PPP2R5A: variants seen among roughly 807,000 people sequenced by gnomAD.
PPP2R5A encodes the protein serine/threonine-protein phosphatase 2A 56 kDa regulatory subunit alpha isoform.
Under a neutral mutation model 64.2 loss-of-function variants are expected in PPP2R5A, and 25 were observed. The ratio of observed to expected loss-of-function variants is 0.39; its 90% CI spans 0.28 to 0.54. The LOEUF (loss-of-function observed/expected upper bound fraction) is 0.54. PPP2R5A is among the 20% of genes least tolerant of loss of function. The pLI, the probability that PPP2R5A is intolerant of heterozygous loss-of-function variation, is 0.67. For missense variants in PPP2R5A, 425 were observed against 576.3 expected (o/e 0.74, Z 2.69); for synonymous variants, 198 against 201.2 (o/e 0.98, Z 0.13).
At chr1:212,313,358 T>TG (rs1659075960) in intron 1 of PPP2R5A, among the ~76,000 whole-genome samples, 2 of 152,232 alleles carry the variant, frequency 1.3e-5, no homozygotes, top group African/African-American at 4.8e-5. Flanking sequence ...AAGTGATGTA[T>TG]GACATTTCAT....
chr1:212,345,651 C>T, intron 4 of PPP2R5A, 152 bp from the exon 5 acceptor site: 3 of 574,922 alleles, frequency 5.2e-6, no homozygotes, highest in South Asian at 6.5e-5. Flanking sequence ...CTTTTCCTCA[C>T]CTTCATTACT....
intron 1 of PPP2R5A, among the ~76,000 whole-genome samples, chr1:212,299,814 CT>C (rs59480144): frequency 0.03 from 4,268 of 141,672 alleles, 43 homozygotes; most frequent in African/African-American, 0.043. Flanking sequence ...CTTCATAAGA[CT>C]TTTTTTTTTT....
chr1:212,343,134 G>GT (rs1161864697), intron 4 of PPP2R5A, among the ~76,000 whole-genome samples: 3 of 151,718 alleles, frequency 2.0e-5, no homozygotes, highest in Non-Finnish European at 2.9e-5. Context: ...TCTATTTCTA[G>GT]TAGAGACGGG....
At chr1:212,332,520 T>G (rs1439686961) in intron 2 of PPP2R5A, among the ~76,000 whole-genome samples, 1 of 152,208 alleles carries the variant, frequency 6.6e-6, no homozygotes, top group East Asian at 1.9e-4. Context: ...TTATAAATCC[T>G]TTATTTCACT....
chr1:212,353,759 T>A (rs568003600), intron 8 of PPP2R5A, among the ~76,000 whole-genome samples: 1 of 152,210 alleles, frequency 6.6e-6, no homozygotes, highest in Non-Finnish European at 1.5e-5. Context: ...TTCCAAAAAA[T>A]AATTCAATTG....
intron 5 of PPP2R5A, 59 bp downstream of exon 5, chr1:212,345,992 A>C: frequency 6.8e-7 from 1 of 1,475,358 alleles, no homozygotes; most frequent in Non-Finnish European, 9.2e-7. Flanking sequence ...TCTTGTATTC[A>C]AGTTCTTTTA....
At chr1:212,313,645 A>C (rs1052139263) in intron 1 of PPP2R5A, 1 of 151,706 alleles carries the variant, frequency 6.6e-6, no homozygotes, top group African/African-American at 2.4e-5. Context: ...AGCTGGAATA[A>C]TTTATTGAAC....
chr1:212,336,274 C>G (rs1294803028), intron 3 of PPP2R5A, among the ~76,000 whole-genome samples: 1 of 151,988 alleles, frequency 6.6e-6, no homozygotes, highest in Non-Finnish European at 1.5e-5. Flanking sequence ...TGCCACCATG[C>G]CCAGCTAATT....
chr1:212,309,111 T>C (rs1658975905), intron 1 of PPP2R5A: 2 of 953,682 alleles, frequency 2.1e-6, no homozygotes, highest in Admixed American at 1.7e-5. Flanking sequence ...GTCAAACATA[T>C]GCCTTCTTCT....
chr1:212,355,643 G>A (rs532953808), intron 8 of PPP2R5A, among the ~76,000 whole-genome samples: 1 of 150,162 alleles, frequency 6.7e-6, no homozygotes, highest in Admixed American at 6.6e-5. Flanking sequence ...AATGTCAAAT[G>A]ACTTGAAAAT....
intron 1 of PPP2R5A, among the ~76,000 whole-genome samples, chr1:212,307,230 A>G (rs1220378656): frequency 6.7e-6 from 1 of 148,996 alleles, no homozygotes; most frequent in Non-Finnish European, 1.5e-5. Flanking sequence ...AACTTGTGTA[A>G]TGATTATTTT....
chr1:212,321,552 G>A (rs1339452210), intron 1 of PPP2R5A, among the ~76,000 whole-genome samples: 1 of 148,940 alleles, frequency 6.7e-6, no homozygotes, highest in African/African-American at 2.5e-5. Context: ...CTTCTCAGAC[G>A]GGGCGGCCGG....
At chr1:212,333,152 C>T (rs186753801) in intron 2 of PPP2R5A, among the ~76,000 whole-genome samples, 3 of 152,142 alleles carry the variant, frequency 2.0e-5, no homozygotes, top group Non-Finnish European at 4.4e-5. Context: ...GTCTGCCCCC[C>T]TCGGCCTCCC....
chr1:212,304,225 A>G (rs1658852189), intron 1 of PPP2R5A, among the ~76,000 whole-genome samples: 1 of 152,082 alleles, frequency 6.6e-6, no homozygotes, highest in African/African-American at 2.4e-5. Context: ...AAGATTTTTG[A>G]ATTTCCCAAA....
At position 212,360,650 on chromosome 1, in the gene PPP2R5A, G is replaced by A; in HGVS notation, c.1341G>A (p.Lys447=). The change falls in exon 13 of 13, where the codon AAG becomes AAA. Residue 447 remains lysine, a synonymous_variant. Coordinates refer to ENST00000261461, the MANE Select transcript of PPP2R5A (RefSeq NM_006243.4). The part of the protein sequence containing the change: ...YKAERQREKK[K]ELEREELWKK... ...GGTTTATCTACAGAGAGAAAAAGAAGGAATTGGAACGTGAAGAATTATGGA... is the reference window on the plus strand; with the variant it reads ...GGTTTATCTACAGAGAGAAAAAGAAAGAATTGGAACGTGAAGAATTATGGA... 3 of 1,564,968 alleles carry A rather than the reference G, an allele frequency of 1.9e-6. No individual in the cohort carries two copies. The highest frequency in any genetic ancestry group is 2.6e-6 in the Non-Finnish European group (3 of 1,160,980).
intron 5 of PPP2R5A, 92 bp downstream of exon 5, chr1:212,346,025 A>C: frequency 1.6e-6 from 2 of 1,268,366 alleles, no homozygotes; most frequent in South Asian, 1.5e-5. Context: ...TTTTTGAGAC[A>C]GGGTCTCACT....
intron 1 of PPP2R5A, among the ~76,000 whole-genome samples, chr1:212,294,371 C>T (rs1228778353): frequency 6.6e-6 from 1 of 152,132 alleles, no homozygotes. Flanking sequence ...ACTTTTCAGA[C>T]AGGCTTTTCT....
At chr1:212,300,177 C>T (rs553030513) in intron 1 of PPP2R5A, among the ~76,000 whole-genome samples, 9 of 152,204 alleles carry the variant, frequency 5.9e-5, no homozygotes, top group East Asian at 5.8e-4. Flanking sequence ...ACCTAGCTGC[C>T]GTATATCTAG....
chr1:212,357,962 AATTTTT>A (rs1159159408), intron 11 of PPP2R5A: 1 of 152,152 alleles, frequency 6.6e-6, no homozygotes, highest in Non-Finnish European at 1.5e-5. Context: ...ATACCCAGCG[AATTTTT>A]ATTTTTATTT....
Sources: gnomAD v4.1 joint callset for allele counts (sites outside exome capture counted in the v4.1 genomes callset) on GRCh38, gnomAD v4.1.1 for gene constraint, MANE v1.5 for transcripts, NCBI Gene and HGNC (gene_info 2026-07-23, HGNC 2026-07-21) for gene names.